MAGI2: variants seen among roughly 807,000 people sequenced by gnomAD.
MAGI2 encodes the protein membrane associated guanylate kinase, WW and PDZ domain containing 2.
A neutral mutation model predicts 133.3 loss-of-function variants in MAGI2; 35 were observed. The ratio of observed to expected loss-of-function variants is 0.26; its 90% CI spans 0.20 to 0.35. MAGI2 has a LOEUF of 0.35. Among genes scored for constraint, MAGI2 ranks in the 10% least tolerant of loss-of-function variants. MAGI2 has a pLI of 1.00. For missense variants in MAGI2, 1,636 were observed against 1,863.4 expected, an observed-to-expected ratio of 0.88 and a Z score of 2.25; for synonymous variants, 729 against 710.6, an observed-to-expected ratio of 1.03 and a Z score of -0.41.
chr7:79,250,173 A>G (rs1833133912), intron 1 of MAGI2, among the ~76,000 whole-genome samples: 1 of 152,132 alleles, frequency 6.6e-6, no homozygotes, highest in African/African-American at 2.4e-5. Flanking sequence ...AAACAGCCCC[A>G]AAGTTAGTGT....
intron 1 of MAGI2, among the ~76,000 whole-genome samples, chr7:79,177,433 G>A (rs888088071): frequency 2.0e-5 from 3 of 151,956 alleles, no homozygotes; most frequent in Non-Finnish European, 2.9e-5. Context: ...GGTAGATAAT[G>A]TCCTCTAAAC....
At chr7:79,119,029 TCA>T (rs969548041) in intron 1 of MAGI2, among the ~76,000 whole-genome samples, 1 of 152,146 alleles carries the variant, frequency 6.6e-6, no homozygotes, top group African/African-American at 2.4e-5. Flanking sequence ...TTTCAAGTGG[TCA>T]CAGAGTTTCA....
intron 2 of MAGI2, among the ~76,000 whole-genome samples, chr7:78,907,368 C>G (rs1798065618): frequency 6.6e-6 from 1 of 152,124 alleles, no homozygotes; most frequent in Non-Finnish European, 1.5e-5. Context: ...AAGATTATCA[C>G]CCTGGGGTAC....
intron 1 of MAGI2, among the ~76,000 whole-genome samples, chr7:79,130,025 G>T (rs943953038): frequency 6.6e-6 from 1 of 151,984 alleles, no homozygotes; most frequent in Non-Finnish European, 1.5e-5. Context: ...AATGGGCTAG[G>T]CATGGTGGCT....
intron 1 of MAGI2, among the ~76,000 whole-genome samples, chr7:79,445,654 A>T (rs574592818): frequency 6.6e-6 from 1 of 152,350 alleles, no homozygotes; most frequent in East Asian, 1.9e-4. Flanking sequence ...ACCATTAAAA[A>T]GTCAGGAAAC....
At chr7:78,050,504 C>T (rs1209150195) in intron 21 of MAGI2, among the ~76,000 whole-genome samples, 2 of 152,322 alleles carry the variant, frequency 1.3e-5, no homozygotes, top group African/African-American at 2.4e-5. Flanking sequence ...ATGCCTGGGA[C>T]GTCTGCTTTG....
intron 1 of MAGI2, among the ~76,000 whole-genome samples, chr7:79,052,128 C>T (rs981304787): frequency 7.2e-5 from 11 of 152,048 alleles, no homozygotes; most frequent in African/African-American, 2.7e-4. Context: ...ACAGAAGACA[C>T]ACAGAGAAAC....
intron 2 of MAGI2, among the ~76,000 whole-genome samples, chr7:78,740,445 C>T (rs938771420): frequency 1.7e-4 from 26 of 152,152 alleles, no homozygotes; most frequent in African/African-American, 6.3e-4. Flanking sequence ...GTTTTGAGTT[C>T]TAGGACTAAC....
intron 9 of MAGI2, among the ~76,000 whole-genome samples, chr7:78,259,749 T>TC (rs1251472789): frequency 3.3e-5 from 5 of 152,154 alleles, no homozygotes; most frequent in African/African-American, 1.2e-4. Context: ...GCACGCTCTC[T>TC]CCTTCCCTCT....
intron 2 of MAGI2, among the ~76,000 whole-genome samples, chr7:78,678,957 C>T (rs1585060813): frequency 6.6e-6 from 1 of 152,176 alleles, no homozygotes; most frequent in South Asian, 2.1e-4. Context: ...TCACTTATTC[C>T]AAGTGAGCAA....
At chr7:78,975,359 A>C (rs991171829) in intron 2 of MAGI2, among the ~76,000 whole-genome samples, 1 of 151,828 alleles carries the variant, frequency 6.6e-6, no homozygotes, top group East Asian at 1.9e-4. Flanking sequence ...TCTAAAAATC[A>C]ACAATATAAG....
intron 3 of MAGI2, chr7:78,616,532 T>C (rs972953607): frequency 6.6e-6 from 1 of 152,042 alleles, no homozygotes; most frequent in African/African-American, 2.4e-5. Context: ...TGAATTAGTG[T>C]AGGGAAAACC....
intron 1 of MAGI2, among the ~76,000 whole-genome samples, chr7:79,186,600 T>C (rs1827163714): frequency 6.7e-6 from 1 of 148,928 alleles, no homozygotes; most frequent in South Asian, 2.1e-4. Flanking sequence ...AAAATAAGAA[T>C]TGAGATACAG....
At chr7:79,022,646 C>CAAAAAA (rs61289194) in intron 1 of MAGI2, among the ~76,000 whole-genome samples, 2 of 118,626 alleles carry the variant, frequency 1.7e-5, no homozygotes, top group Non-Finnish European at 3.4e-5. Flanking sequence ...AGACAAGATC[C>CAAAAAA]AAAAAAAAAA....
intron 2 of MAGI2, among the ~76,000 whole-genome samples, chr7:78,762,877 TG>T (rs751145567): frequency 6.6e-6 from 1 of 152,142 alleles, no homozygotes; most frequent in Non-Finnish European, 1.5e-5. Context: ...GTGAAAAAAA[TG>T]GGTAAATACC....
Position 78,079,062 on chromosome 7 carries a change from G to T in MAGI2, c.3591C>A (p.Ile1197=), listed in dbSNP as rs767455776. The T allele has an allele frequency of 1.2e-6, 2 of 1,613,286 alleles. No individual in the cohort carries two copies. The highest frequency in any genetic ancestry group is 8.5e-7 in the Non-Finnish European group (1 of 1,179,836). ...TCATGTCCCTTGTGCTTTCCCCATT[G>T]ATTTCAATGATTTGATCTCCTACCT... ...RMRVGDQIIE[I]NGESTRDMTH... The change falls in exon 21 of 22, where the codon ATC becomes ATA. Residue 1197 remains isoleucine, a synonymous_variant. Coordinates refer to ENST00000354212, the MANE Select transcript of MAGI2 (RefSeq NM_012301.4).
chr7:78,223,252 C>A (rs1240344618), intron 10 of MAGI2, among the ~76,000 whole-genome samples: 1 of 152,148 alleles, frequency 6.6e-6, no homozygotes, highest in East Asian at 1.9e-4. Flanking sequence ...TATGTTTTCT[C>A]ACTTTGTTCC....
intron 16 of MAGI2, among the ~76,000 whole-genome samples, chr7:78,143,644 TA>T: frequency 6.6e-6 from 1 of 152,178 alleles, no homozygotes; most frequent in East Asian, 1.9e-4. Flanking sequence ...GAAGCATTTA[TA>T]TTTAAAACTT....
intron 13 of MAGI2, among the ~76,000 whole-genome samples, chr7:78,180,056 TGAGG>T (rs1383563068): frequency 3.3e-5 from 5 of 152,166 alleles, no homozygotes; most frequent in Admixed American, 2.0e-4. Context: ...TTCTACAAGT[TGAGG>T]ATAATACAAC....
Sources: allele counts gnomAD v4.1 joint callset (sites outside exome capture counted in the v4.1 genomes callset), GRCh38; gene constraint gnomAD v4.1.1; transcripts MANE v1.5; gene names NCBI Gene and HGNC (gene_info 2026-07-23, HGNC 2026-07-21).